Variants in SCN4B observed in about 807,000 individuals in gnomAD.
SCN4B encodes sodium voltage-gated channel beta subunit 4.
Under a neutral mutation model 19.6 loss-of-function variants are expected in SCN4B, and 20 were observed. The observed-to-expected ratio is 1.02, with a 90% CI of 0.72 to 1.48. The LOEUF is 1.48. SCN4B is among the 40% of genes most tolerant of loss of function. The probability of loss-of-function intolerance (pLI) is 0.00; values close to 1 mark genes in which losing one functional copy is unlikely to be tolerated. For synonymous variants in SCN4B, 127 were observed against 122.8 expected (o/e 1.03, Z -0.22); for missense variants, 271 against 287.5 (o/e 0.94, Z 0.42).
At position 118,136,037 on chromosome 11, in the gene SCN4B, T is replaced by TGG. The variant is rs5795117; in HGVS notation, c.*988_*989dup. 2.0e-3 allele frequency: 709 copies of TGG among 361,132 alleles called. 3 individuals are homozygous for TGG. The highest frequency in any genetic ancestry group is 9.1e-3 in the African/African-American group (349 of 38,222). 22.4% of individuals were successfully genotyped at this position (361,132 alleles called of 1,614,324 possible). On this transcript the variant is annotated 3_prime_UTR_variant, in exon 5 of 5. Coordinates refer to ENST00000324727, the MANE Select transcript of SCN4B (RefSeq NM_174934.4). ...GGGCAGGGCGTGATGGAGGGCACGG[T>TGG]GGGGGGGGGGGAGCGAGCCAATGGG...
At chr11:118,143,238 A>C (rs1948122421) in intron 3 of SCN4B, among the ~76,000 whole-genome samples, 1 of 152,206 alleles carries the variant, frequency 6.6e-6, no homozygotes, top group Non-Finnish European at 1.5e-5. Flanking sequence ...TCCTTGTATG[A>C]TTGGTCCTCC....
intron 1 of SCN4B, among the ~76,000 whole-genome samples, chr11:118,149,468 G>C (rs1948215140): frequency 6.6e-6 from 1 of 152,216 alleles, no homozygotes; most frequent in Non-Finnish European, 1.5e-5. Flanking sequence ...ACCCCTCCTG[G>C]GGTGCAGGCC....
chr11:118,135,421 G>A lies in SCN4B; in HGVS notation c.*1606C>T. 2.2e-6 allele frequency: 1 copy of A among 454,084 alleles called. No homozygotes were observed. Among genetic ancestry groups the A allele is most frequent in the Non-Finnish European group, 4.4e-6 (1 of 226,774 alleles). 28.1% of individuals were successfully genotyped at this position (454,084 alleles called of 1,614,324 possible). A position where few individuals can be genotyped will look rare whatever the true frequency, so the allele number is the denominator to read the frequency against. On this transcript the variant is annotated 3_prime_UTR_variant, in exon 5 of 5. Transcript: ENST00000324727. ...TACTCCTCTCTCATCCCTCCTAGGG[G>A]CCCAGAAGACAGGGCATCAAAAAAT...
chr11:118,136,289 A>C lies in SCN4B; in HGVS notation c.*738T>G, dbSNP rs1266111424. 4.4e-6 allele frequency: 2 copies of C among 453,792 alleles called. No individual in the cohort carries two copies. Among genetic ancestry groups the C allele is most frequent in the African/African-American group, 4.0e-5 (2 of 49,940 alleles). The allele number at this position is 453,792 out of a possible 1,614,324, so 28.1% of individuals were successfully genotyped here. ...GGCATAGGGAGCACTCGGGTACTCC[A>C]GGAAGGCTCGAGGGGCCCCTTCCTG... On this transcript the variant is annotated 3_prime_UTR_variant, in exon 5 of 5. Coordinates refer to ENST00000324727, the MANE Select transcript of SCN4B (RefSeq NM_174934.4).
chr11:118,147,119 C>T (rs1023523953), intron 1 of SCN4B, among the ~76,000 whole-genome samples: 1 of 152,192 alleles, frequency 6.6e-6, no homozygotes, highest in African/African-American at 2.4e-5. Context: ...CCAGGGAATG[C>T]TGTGCGCAGG....
At chr11:118,147,803 G>A (rs140305819) in intron 1 of SCN4B, among the ~76,000 whole-genome samples, 2,682 of 152,326 alleles carry the variant, frequency 0.018, 42 homozygotes, top group Non-Finnish European at 0.026. Context: ...ACCAAGGAGT[G>A]TGGCAGCTCC....
chr11:118,151,414 G>A (rs982638051), intron 1 of SCN4B, among the ~76,000 whole-genome samples: 7 of 152,280 alleles, frequency 4.6e-5, no homozygotes, highest in African/African-American at 7.2e-5. Flanking sequence ...AGCCTCAGGC[G>A]TCACTAAGGC....
rs1208102588 is a variant in SCN4B at position 118,134,739 on chromosome 11, G to A, written c.*2288C>T. 4.4e-6 allele frequency: 2 copies of A among 454,114 alleles called. No homozygotes were observed. Among genetic ancestry groups the A allele is most frequent in the African/African-American group, 4.0e-5 (2 of 50,126 alleles). 28.1% of individuals were successfully genotyped at this position (454,114 alleles called of 1,614,324 possible). A position where few individuals can be genotyped will look rare whatever the true frequency, so the allele number is the denominator to read the frequency against. On this transcript the variant is annotated 3_prime_UTR_variant, in exon 5 of 5. Transcript: ENST00000324727. ...GTGGGTTGTAGAGATGGGACACAGA[G>A]ATGAAGACAGGACAGACTTGGAACT...
intron 4 of SCN4B, among the ~76,000 whole-genome samples, chr11:118,139,901 CTTTTTTCTTTTTTT>C (rs1948072874): frequency 9.6e-6 from 1 of 104,588 alleles, no homozygotes; most frequent in South Asian, 2.7e-4. Flanking sequence ...TTTTTTTTTT[CTTTTTTCTTTTTTT>C]TTTTAAGAGA....
In SCN4B at chr11:118,152,371, A is replaced by C. The variant is rs186704826; in HGVS notation, c.61+242T>G. 7.6e-4 allele frequency among the ~76,000 whole-genome samples: 115 copies of C among 152,296 alleles called. 1 individual carries two copies. The highest frequency in any genetic ancestry group is 2.6e-3 in the African/African-American group (107 of 41,556). ...CCAAATACCTGGAGCCGAAGGTGCCAAGGACAGCAAAAAAACTAATCCTGA... is the reference window on the plus strand; with the variant it reads ...CCAAATACCTGGAGCCGAAGGTGCCCAGGACAGCAAAAAAACTAATCCTGA... On this transcript the variant is annotated intron_variant, in intron 1 of 4. Transcript: ENST00000324727.
intron 4 of SCN4B, among the ~76,000 whole-genome samples, chr11:118,140,208 A>G (rs1948076403): frequency 6.6e-6 from 1 of 152,172 alleles, no homozygotes. Context: ...ACGATCACCA[A>G]AACCCTCACA....
rs964053509 is a variant in SCN4B at position 118,136,206 on chromosome 11, C to T, written c.*821G>A. Reference sequence around the variant, plus strand: ...GCAATGGGGCGGGCATCCCAGAGGCCCAGGACACTGGCTCACTACCTCTGT... The same window carrying T: ...GCAATGGGGCGGGCATCCCAGAGGCTCAGGACACTGGCTCACTACCTCTGT... On this transcript the variant is annotated 3_prime_UTR_variant, in exon 5 of 5. Transcript: ENST00000324727. The T allele has an allele frequency of 2.4e-5, 11 of 453,578 alleles. No individual in the cohort carries two copies. The highest frequency in any genetic ancestry group is 1.7e-4 in the South Asian group (11 of 64,448). 28.1% of individuals were successfully genotyped at this position (453,578 alleles called of 1,614,324 possible). A position where few individuals can be genotyped will look rare whatever the true frequency, so the allele number is the denominator to read the frequency against.
At chr11:118,139,382 C>G (rs916506913) in intron 4 of SCN4B, among the ~76,000 whole-genome samples, 2 of 152,182 alleles carry the variant, frequency 1.3e-5, no homozygotes, top group Non-Finnish European at 2.9e-5. Context: ...AGAATTTCAC[C>G]CTGCCCTGAA....
chr11:118,138,344 T>G (rs1948050728), intron 4 of SCN4B, among the ~76,000 whole-genome samples: 1 of 152,202 alleles, frequency 6.6e-6, no homozygotes, highest in Non-Finnish European at 1.5e-5. Flanking sequence ...CCTAGATCCC[T>G]TTTTCTTCCA....
At chr11:118,152,080 G>A (rs1185163602) in intron 1 of SCN4B, among the ~76,000 whole-genome samples, 1 of 152,200 alleles carries the variant, frequency 6.6e-6, no homozygotes, top group Non-Finnish European at 1.5e-5. Flanking sequence ...CTGTAGGGAA[G>A]GCAGTGGCTC....
At chr11:118,146,064 C>A (rs1210502464) in intron 1 of SCN4B, among the ~76,000 whole-genome samples, 3 of 151,738 alleles carry the variant, frequency 2.0e-5, no homozygotes, top group African/African-American at 7.3e-5. Flanking sequence ...CGAGTGCACG[C>A]GCGCGGGGGC....
rs1793158 is a variant in SCN4B, at chr11:118,135,863, C to T, written c.*1164G>A. 3.0e-3 allele frequency: 1,380 copies of T among 454,420 alleles called. 17 individuals carry two copies. The highest frequency in any genetic ancestry group is 0.025 in the African/African-American group (1,266 of 50,114). 28.1% of individuals were successfully genotyped at this position (454,420 alleles called of 1,614,324 possible). A position where few individuals can be genotyped will look rare whatever the true frequency, so the allele number is the denominator to read the frequency against. ...AAAGGAAAACTGTGGGCACCCACTC[C>T]CTGCTCCTCCCCAACCCCAGGGTGG... On this transcript the variant is annotated 3_prime_UTR_variant, in exon 5 of 5. Transcript: ENST00000324727.
chr11:118,149,409 C>CA (rs757826137), intron 1 of SCN4B, among the ~76,000 whole-genome samples: 25 of 152,130 alleles, frequency 1.6e-4, no homozygotes, highest in Non-Finnish European at 3.2e-4. Flanking sequence ...TAGAAAGGCT[C>CA]AAAGTTAGAG....
chr11:118,137,195 G>T, intron 4 of SCN4B, 75 bp from the exon 5 acceptor site: 2 of 1,120,824 alleles, frequency 1.8e-6, no homozygotes, highest in Non-Finnish European at 2.7e-6. Context: ...AGGAGCCGTG[G>T]GCCCTGCACC....
Sources: allele counts gnomAD v4.1 joint callset (sites outside exome capture counted in the v4.1 genomes callset), GRCh38; gene constraint gnomAD v4.1.1; transcripts MANE v1.5; gene names NCBI Gene and HGNC (gene_info 2026-07-23, HGNC 2026-07-21).